Variants in ATF6 observed in about 807,000 individuals in gnomAD.
ATF6 encodes the protein activating transcription factor 6.
ATF6 carries 53 observed loss-of-function variants against 83.6 expected under a neutral mutation model. That is an observed-to-expected ratio of 0.63 (90% CI 0.51 to 0.80). The LOEUF (loss-of-function observed/expected upper bound fraction) is 0.80, where lower values mean the gene tolerates loss of function less well. Ranked by LOEUF, ATF6 falls within the 30% of genes least tolerant of loss-of-function variation. The pLI is 0.00. For missense variants in ATF6, 744 were observed against 797.9 expected (o/e 0.93, Z 0.81); for synonymous variants, 288 against 285.8 (o/e 1.01, Z -0.08).
In ATF6 at chr1:161,852,559, T is replaced by A. The variant is rs76216733; in HGVS notation, c.1434-665T>A. Among the ~76,000 whole-genome samples, 164 of 152,286 alleles carry A rather than the reference T, an allele frequency of 1.1e-3. 2 individuals carry two copies. The East Asian group carries it at 0.03, about 28-fold the overall frequency. ...TTCTCTACAATGTGTCTCAAATGTT[T>A]GTGTTTATATAGCCCAAGAACAGAA... On this transcript the variant is annotated intron_variant, in intron 11 of 15. Coordinates refer to ENST00000367942, the MANE Select transcript of ATF6 (RefSeq NM_007348.4).
chr1:161,796,964 G>A (rs1396029252), intron 6 of ATF6, among the ~76,000 whole-genome samples: 1 of 151,110 alleles, frequency 6.6e-6, no homozygotes, highest in Non-Finnish European at 1.5e-5. Context: ...TTTTCATAGT[G>A]CCAGATTTAC....
intron 15 of ATF6, among the ~76,000 whole-genome samples, chr1:161,951,545 AT>A (rs1350740763): frequency 5.9e-5 from 9 of 152,276 alleles, no homozygotes; most frequent in African/African-American, 2.2e-4. Flanking sequence ...AACAAAACAG[AT>A]GTTCTCTCTG....
intron 14 of ATF6, among the ~76,000 whole-genome samples, chr1:161,903,929 A>T (rs1262434433): frequency 1.3e-5 from 2 of 152,200 alleles, no homozygotes; most frequent in African/African-American, 4.8e-5. Context: ...ATTCTGGCCC[A>T]CCTCAGACTT....
intron 15 of ATF6, among the ~76,000 whole-genome samples, chr1:161,957,173 TA>T (rs11327624): frequency 0.64 from 94,904 of 148,988 alleles, 31,317 homozygotes; most frequent in Non-Finnish European, 0.75. Context: ...GTGTCAAAGT[TA>T]AAAAAAAAAA....
At chr1:161,879,677 A>G (rs569146183) in intron 14 of ATF6, among the ~76,000 whole-genome samples, 1 of 152,248 alleles carries the variant, frequency 6.6e-6, no homozygotes, top group East Asian at 1.9e-4. Flanking sequence ...AATATTCTAG[A>G]AGGTATGATA....
intron 15 of ATF6, among the ~76,000 whole-genome samples, chr1:161,942,278 A>G (rs1364010327): frequency 6.6e-6 from 1 of 152,198 alleles, no homozygotes; most frequent in Non-Finnish European, 1.5e-5. Context: ...TGAGCAAACT[A>G]TGAAGAATGC....
intron 14 of ATF6, among the ~76,000 whole-genome samples, chr1:161,900,221 G>C (rs180795062): frequency 1.3e-5 from 2 of 152,092 alleles, no homozygotes; most frequent in Non-Finnish European, 2.9e-5. Flanking sequence ...GAAGTTTGGT[G>C]ATGTTTTTAT....
intron 7 of ATF6, among the ~76,000 whole-genome samples, chr1:161,805,882 T>C (rs1376757057): frequency 2.6e-5 from 4 of 152,142 alleles, no homozygotes; most frequent in Non-Finnish European, 5.9e-5. Flanking sequence ...CTACCTTTTT[T>C]AGTTCTTTTG....
intron 7 of ATF6, among the ~76,000 whole-genome samples, chr1:161,818,382 T>C (rs931375790): frequency 6.6e-6 from 1 of 152,156 alleles, no homozygotes; most frequent in African/African-American, 2.4e-5. Context: ...CAAAAATAAT[T>C]TCGCTCAGTA....
At chr1:161,896,308 G>A (rs1411276582) in intron 14 of ATF6, among the ~76,000 whole-genome samples, 3 of 152,166 alleles carry the variant, frequency 2.0e-5, no homozygotes, top group African/African-American at 7.2e-5. Flanking sequence ...CATTGGCCAG[G>A]CTGGTCTTGA....
chr1:161,824,268 G>A (rs1163639823), intron 9 of ATF6, among the ~76,000 whole-genome samples: 1 of 151,718 alleles, frequency 6.6e-6, no homozygotes, highest in Non-Finnish European at 1.5e-5. Flanking sequence ...TGCCGGCAGT[G>A]CCCTTCCCTC....
At chr1:161,810,050 C>T (rs528372926) in intron 7 of ATF6, among the ~76,000 whole-genome samples, 1 of 152,216 alleles carries the variant, frequency 6.6e-6, no homozygotes, top group South Asian at 2.1e-4. Flanking sequence ...AAATGGTCCT[C>T]CATTGAGGTA....
chr1:161,915,528 T>TCA (rs1285933330), intron 15 of ATF6, among the ~76,000 whole-genome samples: 1 of 152,204 alleles, frequency 6.6e-6, no homozygotes, highest in Non-Finnish European at 1.5e-5. Context: ...CTAGCACTTC[T>TCA]CACAGTGCTC....
chr1:161,876,712 T>C (rs1297492038), intron 14 of ATF6, among the ~76,000 whole-genome samples: 1 of 152,068 alleles, frequency 6.6e-6, no homozygotes, highest in Non-Finnish European at 1.5e-5. Context: ...TTTCAATGTA[T>C]GGTCATTTTT....
intron 15 of ATF6, among the ~76,000 whole-genome samples, chr1:161,937,347 TAAAAAAA>T (rs35432799): frequency 2.7e-5 from 3 of 111,032 alleles, no homozygotes; most frequent in African/African-American, 1.0e-4. Context: ...CCCTCTCAGT[TAAAAAAA>T]AAAAAAAAAA....
intron 12 of ATF6, among the ~76,000 whole-genome samples, chr1:161,853,956 A>G (rs1292751920): frequency 6.6e-6 from 1 of 152,260 alleles, no homozygotes; most frequent in Non-Finnish European, 1.5e-5. Flanking sequence ...TGGGTATGAT[A>G]AAGTCCCTAC....
At chr1:161,917,810 C>T (rs185452701) in intron 15 of ATF6, among the ~76,000 whole-genome samples, 12 of 152,216 alleles carry the variant, frequency 7.9e-5, no homozygotes, top group Non-Finnish European at 1.3e-4. Flanking sequence ...TTTCTGCTTG[C>T]GGCATTATGT....
At chr1:161,809,110 A>G (rs934097394) in intron 7 of ATF6, among the ~76,000 whole-genome samples, 2 of 152,172 alleles carry the variant, frequency 1.3e-5, no homozygotes, top group African/African-American at 4.8e-5. Flanking sequence ...TTTGTTACAT[A>G]TGTATATATG....
intron 10 of ATF6, among the ~76,000 whole-genome samples, chr1:161,850,132 A>G (rs1244296115): frequency 6.6e-6 from 1 of 152,162 alleles, no homozygotes; most frequent in Non-Finnish European, 1.5e-5. Context: ...CATTTTTGGT[A>G]CCATGGCAAG....
Sources: allele counts gnomAD v4.1 joint callset (sites outside exome capture counted in the v4.1 genomes callset), GRCh38; gene constraint gnomAD v4.1.1; transcripts MANE v1.5; gene names NCBI Gene and HGNC (gene_info 2026-07-23, HGNC 2026-07-21).